The following NHSL2 variants were observed in gnomAD, a reference collection of about 807,000 sequenced individuals.
The protein encoded by NHSL2 is NHS-like protein 2.
NHSL2 carries 27 observed loss-of-function variants against 53.4 expected under a neutral mutation model. The ratio of observed to expected loss-of-function variants is 0.51; its 90% CI spans 0.37 to 0.70. The LOEUF (loss-of-function observed/expected upper bound fraction) is 0.70, where lower values mean the gene tolerates loss of function less well. NHSL2 is among the 30% of genes least tolerant of loss of function. The pLI, the probability that NHSL2 is intolerant of heterozygous loss-of-function variation, is 0.00. For missense variants in NHSL2, 892 were observed against 980.1 expected, an observed-to-expected ratio of 0.91 and a Z score of 1.20; for synonymous variants, 408 against 404.1, an observed-to-expected ratio of 1.01 and a Z score of -0.12.
chrX:71,926,848 C>T (rs2041687995), intron 1 of NHSL2, among the ~76,000 whole-genome samples: 1 of 111,431 alleles, frequency 9.0e-6, no homozygotes. Flanking sequence ...TATGAATCAT[C>T]GGTCCTTCAT....
chrX:71,911,273 G>T lies in NHSL2; in HGVS notation c.186G>T (p.Gly62=). ...EDLEGHLLAL[G]RRTDSLYRRT... ...TCGAGGGGCACCTGCTGGCCCTGGG[G>T]CGCCGCACAGACAGCCTGTACCGGC... Residue 62 remains glycine, a synonymous_variant, in exon 1 of 8, where the codon GGG becomes GGT. Coordinates refer to ENST00000633930, the MANE Select transcript of NHSL2 (RefSeq NM_001013627.3). 1 of 1,142,822 alleles carries T rather than the reference G, an allele frequency of 8.8e-7. No individual in the cohort carries two copies. The highest frequency in any genetic ancestry group is 1.2e-6 in the Non-Finnish European group (1 of 865,766). The allele number at this position is 1,142,822 out of a possible 1,213,427, so 94.2% of individuals were successfully genotyped here.
chrX:72,039,972 C>T (rs1264276927), intron 1 of NHSL2, among the ~76,000 whole-genome samples: 1 of 112,111 alleles, frequency 8.9e-6, no homozygotes, highest in Non-Finnish European at 1.9e-5. Context: ...CCCAGCCACC[C>T]TTCCAAGTAG....
chrX:71,944,335 C>A (rs2041782570), intron 1 of NHSL2, among the ~76,000 whole-genome samples: 1 of 112,227 alleles, frequency 8.9e-6, no homozygotes, highest in African/African-American at 3.2e-5. Context: ...AGGTAGGCAA[C>A]CAGCAATGTC....
chrX:72,111,820 T>C (rs2042095808), intron 1 of NHSL2, among the ~76,000 whole-genome samples: 1 of 111,716 alleles, frequency 9.0e-6, no homozygotes, highest in Non-Finnish European at 1.9e-5. Context: ...ACTGTGTATA[T>C]GCTGGTGACC....
chrX:72,093,026 C>T (rs1201179136), intron 1 of NHSL2, among the ~76,000 whole-genome samples: 3 of 112,527 alleles, frequency 2.7e-5, no homozygotes, highest in Non-Finnish European at 5.6e-5. Flanking sequence ...TGAGAGGATT[C>T]GTGTCATTTT....
chrX:72,069,591 C>A (rs4986614), intron 1 of NHSL2: 1 of 690,984 alleles, frequency 1.4e-6, no homozygotes, highest in Non-Finnish European at 1.9e-6. Flanking sequence ...GGAGCACAGG[C>A]AGAGGAGGAG....
chrX:72,142,186 C>T, intron 6 of NHSL2, 46 bp from the exon 7 acceptor site: 1 of 1,072,818 alleles, frequency 9.3e-7, no homozygotes, highest in South Asian at 2.2e-5. Context: ...GTGCTTTGTC[C>T]TATCTACTGT....
At chrX:72,057,610 C>A (rs760446589) in intron 1 of NHSL2, among the ~76,000 whole-genome samples, 1 of 111,910 alleles carries the variant, frequency 8.9e-6, no homozygotes, top group African/African-American at 3.3e-5. Context: ...CCTCGACTTG[C>A]TCCTAGGGAC....
At chrX:72,124,291 C>T (rs1005740310) in intron 1 of NHSL2, among the ~76,000 whole-genome samples, 1 of 111,334 alleles carries the variant, frequency 9.0e-6, no homozygotes, top group South Asian at 3.9e-4. Context: ...CTGCACCTAC[C>T]TTGTGGCACA....
chrX:72,134,175 A>T lies in NHSL2; in HGVS notation c.521A>T (p.Asn174Ile). ...SSDEATKPTP[N>I]PRPQSARRLE... ...GATGAGGCCACTAAGCCCACCCCCA[A>T]CCCAAGGCCCCAGTCTGCCAGGCGT... Residue 174 changes from asparagine to isoleucine, a missense_variant, in exon 3 of 8, where the codon AAC becomes ATC. By Grantham distance (149) the Asn-to-Ile change is moderately radical. Transcript: ENST00000633930. 8.6e-7 allele frequency: 1 copy of T among 1,166,759 alleles called. No homozygotes were observed. Among genetic ancestry groups the T allele is most frequent in the South Asian group, 1.9e-5 (1 of 52,721 alleles).
intron 1 of NHSL2, among the ~76,000 whole-genome samples, chrX:72,057,466 A>G (rs1166435196): frequency 3.6e-5 from 4 of 111,523 alleles, no homozygotes; most frequent in Non-Finnish European, 7.5e-5. Flanking sequence ...CGGTGCTGCT[A>G]TGTGCACATC....
chrX:71,926,074 G>C (rs763954392), intron 1 of NHSL2, among the ~76,000 whole-genome samples: 3 of 111,576 alleles, frequency 2.7e-5, no homozygotes, highest in Middle Eastern at 9.3e-3. Context: ...TGTCTGGGGG[G>C]GCACAGGGAG....
At chrX:72,077,413 A>T (rs2041753735) in intron 1 of NHSL2, among the ~76,000 whole-genome samples, 1 of 110,865 alleles carries the variant, frequency 9.0e-6, no homozygotes, top group African/African-American at 3.3e-5. Context: ...TGATGCTCAG[A>T]GCCAGAGGTC....
At chrX:72,072,067 T>A (rs1380410848) in intron 1 of NHSL2, among the ~76,000 whole-genome samples, 1 of 112,219 alleles carries the variant, frequency 8.9e-6, no homozygotes, top group Non-Finnish European at 1.9e-5. Context: ...TGAACTCAAG[T>A]CTTACTAATT....
intron 1 of NHSL2, chrX:72,129,838 C>A: frequency 8.4e-7 from 1 of 1,189,169 alleles, no homozygotes. Context: ...CACTCAAACT[C>A]GAATTCGGCC....
chrX:72,033,183 CT>C (rs771573442), intron 1 of NHSL2, among the ~76,000 whole-genome samples: 825 of 78,953 alleles, frequency 0.01, 8 homozygotes, highest in African/African-American at 0.035. Flanking sequence ...GAAGAATTGA[CT>C]TTTTTTTTTT....
intron 1 of NHSL2, among the ~76,000 whole-genome samples, chrX:71,980,712 G>C (rs1169871444): frequency 4.5e-5 from 5 of 110,861 alleles, no homozygotes; most frequent in Non-Finnish European, 7.5e-5. Flanking sequence ...TTTGGAGACA[G>C]ATGGGCCTGA....
At chrX:72,088,035 A>G (rs951755018) in intron 1 of NHSL2, among the ~76,000 whole-genome samples, 6 of 111,378 alleles carry the variant, frequency 5.4e-5, no homozygotes, top group Admixed American at 9.5e-5. Flanking sequence ...ATTCGAGACC[A>G]GCCTGACCAA....
chrX:71,984,999 A>G (rs1355757233), intron 1 of NHSL2, among the ~76,000 whole-genome samples: 1 of 109,932 alleles, frequency 9.1e-6, no homozygotes, highest in Non-Finnish European at 1.9e-5. Flanking sequence ...AAGTTTTTGT[A>G]TTTTTAGTAG....
Sources: gnomAD v4.1 joint callset for allele counts (sites outside exome capture counted in the v4.1 genomes callset) on GRCh38, gnomAD v4.1.1 for gene constraint, MANE v1.5 for transcripts, NCBI Gene and HGNC (gene_info 2026-07-23, HGNC 2026-07-21) for gene names.